BLNK: variants seen among roughly 807,000 people sequenced by gnomAD.
The protein encoded by BLNK is B cell linker, also known as B-cell linker protein.
A neutral mutation model predicts 73.5 loss-of-function variants in BLNK; 29 were observed. That is an observed-to-expected ratio of 0.39 (90% CI 0.29 to 0.54). The LOEUF is 0.54. BLNK is among the 20% of genes least tolerant of loss of function. The probability of loss-of-function intolerance (pLI) is 0.61; values close to 1 mark genes in which losing one functional copy is unlikely to be tolerated. For synonymous variants in BLNK, 176 were observed against 200.8 expected (o/e 0.88, Z 1.04); for missense variants, 460 against 562.8 (o/e 0.82, Z 1.85).
chr10:96,244,242 A>G (rs1186729620), intron 2 of BLNK, among the ~76,000 whole-genome samples: 1 of 152,222 alleles, frequency 6.6e-6, no homozygotes, highest in African/African-American at 2.4e-5. Flanking sequence ...AGGTGTTGCA[A>G]GGAAGAAAAA....
intron 2 of BLNK, 53 bp downstream of exon 2, chr10:96,246,931 G>T: frequency 1.5e-6 from 2 of 1,352,152 alleles, no homozygotes; most frequent in Non-Finnish European, 2.1e-6. Flanking sequence ...CTTCCATGTA[G>T]CACATGTTGA....
intron 1 of BLNK, among the ~76,000 whole-genome samples, chr10:96,269,827 C>G (rs1251013041): frequency 6.6e-6 from 1 of 152,198 alleles, no homozygotes; most frequent in Non-Finnish European, 1.5e-5. Flanking sequence ...ACTCTCCTCA[C>G]TATCCCACAA....
chr10:96,223,757 A>G, intron 6 of BLNK, 69 bp downstream of exon 6: 1 of 1,552,236 alleles, frequency 6.4e-7, no homozygotes, highest in Non-Finnish European at 8.9e-7. Context: ...GCCAGCGGGC[A>G]GGCTGTCCTG....
At position 96,216,723 on chromosome 10, in the gene BLNK, C is replaced by T. The variant is rs1564825030; in HGVS notation, c.537G>A (p.Val179=). The T allele has an allele frequency of 6.2e-7, 1 of 1,613,898 alleles. No homozygotes were observed. Among genetic ancestry groups the T allele is most frequent in the East Asian group, 2.2e-5 (1 of 44,886 alleles). ...TTTCATCATTATCTTCCACGGGGACCACATAATCAGCCTAACAGAAATACA... is the reference window on the plus strand; with the variant it reads ...TTTCATCATTATCTTCCACGGGGACTACATAATCAGCCTAACAGAAATACA... The part of the protein sequence containing the change: ...KGLLEDEADY[V]VPVEDNDENY... The change falls in exon 7 of 17, where the codon GTG becomes GTA. Residue 179 remains valine (V), a synonymous_variant. Coordinates refer to ENST00000224337, the MANE Select transcript of BLNK (RefSeq NM_013314.4).
At chr10:96,206,242 A>C (rs1322421572) in intron 11 of BLNK, among the ~76,000 whole-genome samples, 8 of 152,194 alleles carry the variant, frequency 5.3e-5, no homozygotes, top group Admixed American at 5.2e-4. Context: ...CTACATTTTT[A>C]ACCCTGGGTA....
chr10:96,244,566 G>A (rs1298926291), intron 2 of BLNK, among the ~76,000 whole-genome samples: 1 of 152,180 alleles, frequency 6.6e-6, no homozygotes, highest in Non-Finnish European at 1.5e-5. Flanking sequence ...TTGTGTTAGG[G>A]AACCAGCGTG....
chr10:96,256,095 G>A (rs549721770), intron 1 of BLNK, among the ~76,000 whole-genome samples: 2 of 152,322 alleles, frequency 1.3e-5, no homozygotes, highest in South Asian at 4.1e-4. Flanking sequence ...ACTTTGGGAG[G>A]CTGAGGAGGG....
chr10:96,244,452 T>C (rs1434864167), intron 2 of BLNK, among the ~76,000 whole-genome samples: 1 of 152,190 alleles, frequency 6.6e-6, no homozygotes, highest in East Asian at 1.9e-4. Flanking sequence ...ATAAAAGGCG[T>C]AGTTGAACTT....
intron 1 of BLNK, among the ~76,000 whole-genome samples, chr10:96,266,461 G>C (rs1374320072): frequency 2.0e-5 from 3 of 152,350 alleles, no homozygotes; most frequent in East Asian, 3.9e-4. Flanking sequence ...GCCATGCCCA[G>C]AGTGGGTGAG....
At chr10:96,228,967 G>A (rs1277662234) in intron 4 of BLNK, among the ~76,000 whole-genome samples, 1 of 151,008 alleles carries the variant, frequency 6.6e-6, no homozygotes, top group African/African-American at 2.4e-5. Flanking sequence ...TACATAGTAG[G>A]TATATATATA....
rs1355686558 is a variant in BLNK at position 96,245,879 on chromosome 10, T to A, written c.113+1105A>T. Reference sequence around the variant, plus strand: ...ACACACATTGAACTTACCATGACAATGTCCCTTTCTGGGGAGTGGGTTAAG... The same window carrying A: ...ACACACATTGAACTTACCATGACAAAGTCCCTTTCTGGGGAGTGGGTTAAG... On this transcript the variant is annotated intron_variant, in intron 2 of 16. Coordinates refer to ENST00000224337, the MANE Select transcript of BLNK (RefSeq NM_013314.4). Among the ~76,000 whole-genome samples the A allele has an allele frequency of 4.6e-5, 7 of 152,274 alleles. No individual in the cohort carries two copies. The Middle Eastern group carries it at 0.014, about 296-fold the overall frequency.
At chr10:96,217,547 C>T (rs1178595066) in intron 6 of BLNK, among the ~76,000 whole-genome samples, 1 of 152,044 alleles carries the variant, frequency 6.6e-6, no homozygotes, top group Non-Finnish European at 1.5e-5. Flanking sequence ...TTTGCATTTC[C>T]CTGAAGACTA....
intron 2 of BLNK, among the ~76,000 whole-genome samples, chr10:96,244,395 A>AT (rs1842972526): frequency 6.6e-6 from 1 of 152,244 alleles, no homozygotes; most frequent in Non-Finnish European, 1.5e-5. Flanking sequence ...TAATCTCAGA[A>AT]TAAAGGAAAA....
chr10:96,266,640 T>C (rs1844018926), intron 1 of BLNK, among the ~76,000 whole-genome samples: 1 of 152,194 alleles, frequency 6.6e-6, no homozygotes, highest in Non-Finnish European at 1.5e-5. Context: ...GTTAAGTGGC[T>C]TCTCATCCAG....
At position 96,262,609 on chromosome 10, in the gene BLNK, T is replaced by C. The variant is rs546789843; in HGVS notation, c.47+8743A>G. Among the ~76,000 whole-genome samples, 4 of 152,314 alleles carry C rather than the reference T, an allele frequency of 2.6e-5. No homozygotes were observed. The South Asian group carries it at 6.2e-4, about 24-fold the overall frequency. On this transcript the variant is annotated intron_variant, in intron 1 of 16. Coordinates refer to ENST00000224337, the MANE Select transcript of BLNK (RefSeq NM_013314.4). Reference sequence around the variant, plus strand: ...GGCACCTCTTAAAATACCACGTTGGTGCTGTGTGCTTGGTCTGTATATAAG... The same window carrying C: ...GGCACCTCTTAAAATACCACGTTGGCGCTGTGTGCTTGGTCTGTATATAAG...
At position 96,271,440 on chromosome 10, in the gene BLNK, G is replaced by T; in HGVS notation, c.-42C>A. The T allele has an allele frequency of 6.2e-7, 1 of 1,605,162 alleles. No individual in the cohort carries two copies. Among genetic ancestry groups the T allele is most frequent in the Non-Finnish European group, 8.5e-7 (1 of 1,171,916 alleles). On this transcript the variant is annotated 5_prime_UTR_variant, in exon 1 of 17. Transcript: ENST00000224337. ...AAGAGACACGAATAACTGTCCAGTGGTCACGTCAGCAGTTCCTGGCCCTCC... is the reference window on the plus strand; with the variant it reads ...AAGAGACACGAATAACTGTCCAGTGTTCACGTCAGCAGTTCCTGGCCCTCC...
chr10:96,223,009 G>GA (rs1424436979), intron 6 of BLNK, among the ~76,000 whole-genome samples: 3 of 150,996 alleles, frequency 2.0e-5, no homozygotes, highest in African/African-American at 7.4e-5. Flanking sequence ...CCAATAGATA[G>GA]AAAAAACCTG....
At chr10:96,244,823 A>G (rs1842991104) in intron 2 of BLNK, among the ~76,000 whole-genome samples, 1 of 152,160 alleles carries the variant, frequency 6.6e-6, no homozygotes, top group Non-Finnish European at 1.5e-5. Context: ...TGTAAATATG[A>G]CTGGCTATGG....
chr10:96,244,908 A>C (rs1206469984), intron 2 of BLNK, among the ~76,000 whole-genome samples: 4 of 152,160 alleles, frequency 2.6e-5, no homozygotes, highest in African/African-American at 9.7e-5. Context: ...ACTGGGGGCC[A>C]TGGAATAGAG....
Sources: gnomAD v4.1 joint callset for allele counts (sites outside exome capture counted in the v4.1 genomes callset) on GRCh38, gnomAD v4.1.1 for gene constraint, MANE v1.5 for transcripts, NCBI Gene and HGNC (gene_info 2026-07-23, HGNC 2026-07-21) for gene names.